EYS: variants seen among roughly 807,000 people sequenced by gnomAD.
EYS encodes EGF-like photoreceptor maintenance factor.
A neutral mutation model predicts 282.1 loss-of-function variants in EYS; 250 were observed. The ratio of observed to expected loss-of-function variants is 0.89; its 90% CI spans 0.80 to 0.98. The LOEUF (loss-of-function observed/expected upper bound fraction) is 0.98, where lower values mean the gene tolerates loss of function less well. Among genes scored for constraint, EYS ranks in the 50% least tolerant of loss-of-function variants. The probability of loss-of-function intolerance (pLI) is 0.00; values close to 1 mark genes in which losing one functional copy is unlikely to be tolerated. For synonymous variants in EYS, 1,355 were observed against 1,282.9 expected, an observed-to-expected ratio of 1.06 and a Z score of -1.20; for missense variants, 4,016 against 3,709.0, an observed-to-expected ratio of 1.08 and a Z score of -2.15.
At chr6:63,772,440 A>G (rs940281051) in intron 40 of EYS, among the ~76,000 whole-genome samples, 7 of 152,118 alleles carry the variant, frequency 4.6e-5, no homozygotes, top group Non-Finnish European at 8.8e-5. Context: ...CATTTGGTTT[A>G]TATATATCTA....
intron 26 of EYS, among the ~76,000 whole-genome samples, chr6:64,556,004 T>C (rs948329400): frequency 6.6e-6 from 1 of 151,962 alleles, no homozygotes; most frequent in Non-Finnish European, 1.5e-5. Context: ...CTGACAAGGA[T>C]GTAGAGAAGC....
chr6:64,150,703 T>C (rs927529014), intron 31 of EYS, among the ~76,000 whole-genome samples: 54 of 151,280 alleles, frequency 3.6e-4, no homozygotes, highest in Non-Finnish European at 5.4e-4. Context: ...TATAAAAAAA[T>C]CCTTAACCTT....
intron 1 of EYS, among the ~76,000 whole-genome samples, chr6:65,649,700 T>A (rs549617275): frequency 2.6e-5 from 4 of 152,288 alleles, no homozygotes; most frequent in Non-Finnish European, 5.9e-5. Context: ...CTATTTAGAT[T>A]GTTTTTTTAC....
At chr6:64,157,035 A>C (rs528593438) in intron 31 of EYS, among the ~76,000 whole-genome samples, 11 of 123,544 alleles carry the variant, frequency 8.9e-5, no homozygotes, top group South Asian at 6.4e-4. Flanking sequence ...CCAATGCTAT[A>C]CCTCCCCCCT....
At chr6:65,409,770 T>C (rs1260200104) in intron 5 of EYS, among the ~76,000 whole-genome samples, 1 of 152,114 alleles carries the variant, frequency 6.6e-6, no homozygotes, top group Admixed American at 6.6e-5. Flanking sequence ...ATCTACAAAA[T>C]ATTAAGTTAC....
Position 65,464,530 on chromosome 6 carries a change from C to A in EYS, c.862+26064G>T, listed in dbSNP as rs144716166. ...CTACCAACATCAAAGTTAATGTAAT[C>A]AATATACAAATATTTTGTCTTCTCA... On this transcript the variant is annotated intron_variant, in intron 5 of 42. Transcript: ENST00000503581. Among the ~76,000 whole-genome samples the A allele has an allele frequency of 7.0e-4, 107 of 152,198 alleles. 1 individual carries two copies. The East Asian group carries it at 0.017, about 24-fold the overall frequency.
chr6:65,100,396 T>C lies in EYS; in HGVS notation c.2024-42669A>G, dbSNP rs192205121. On this transcript the variant is annotated intron_variant, in intron 12 of 42. Coordinates refer to ENST00000503581, the MANE Select transcript of EYS (RefSeq NM_001142800.2). ...GAACAAAAAAAGAGTCATAAGGCAT[T>C]CTAAGATGAATGCACATTTTAAAAT... Among the ~76,000 whole-genome samples, 4 of 150,752 alleles carry C rather than the reference T, an allele frequency of 2.7e-5. No homozygotes were observed. In the East Asian group the frequency reaches 5.8e-4, roughly 22 times the overall value.
At chr6:65,400,795 A>G (rs1399933135) in intron 7 of EYS, among the ~76,000 whole-genome samples, 1 of 151,900 alleles carries the variant, frequency 6.6e-6, no homozygotes, top group African/African-American at 2.4e-5. Flanking sequence ...TCTCCTTTCC[A>G]CATTTGACTC....
In EYS at chr6:65,443,382, A is replaced by G. The variant is rs62646230; in HGVS notation, c.863-38015T>C. ...TGCATACATGTATGTACACATATAG[A>G]CATATATGCATACATGTATGTACAC... On this transcript the variant is annotated intron_variant, in intron 5 of 42. Transcript: ENST00000503581. Among the ~76,000 whole-genome samples, 7 of 87,758 alleles carry G rather than the reference A, an allele frequency of 8.0e-5. 1 individual carries two copies. The East Asian group carries it at 2.1e-3, about 27-fold the overall frequency. 57.6% of individuals were successfully genotyped at this position (87,758 alleles called of 152,430 possible). A position where few individuals can be genotyped will look rare whatever the true frequency, so the allele number is the denominator to read the frequency against.
At chr6:63,803,992 T>C (rs755256956) in intron 37 of EYS, among the ~76,000 whole-genome samples, 13 of 152,166 alleles carry the variant, frequency 8.5e-5, no homozygotes, top group South Asian at 2.1e-4. Flanking sequence ...TACACTACCG[T>C]GTTTATTGAG....
At chr6:64,965,591 T>C (rs1770066623) in intron 14 of EYS, among the ~76,000 whole-genome samples, 2 of 152,030 alleles carry the variant, frequency 1.3e-5, no homozygotes, top group Admixed American at 1.3e-4. Flanking sequence ...AAGGGAAATT[T>C]TCTAACTCAT....
At chr6:65,385,331 T>C (rs1005470989) in intron 7 of EYS, among the ~76,000 whole-genome samples, 2 of 151,878 alleles carry the variant, frequency 1.3e-5, no homozygotes, top group South Asian at 4.1e-4. Context: ...CACAAAATAA[T>C]TTCATAAAAG....
chr6:63,764,029 C>T (rs1348600486), intron 40 of EYS, among the ~76,000 whole-genome samples: 1 of 151,366 alleles, frequency 6.6e-6, no homozygotes, highest in Non-Finnish European at 1.5e-5. Flanking sequence ...TCCCCACCAT[C>T]CCCCTTTCTT....
At chr6:65,408,234 A>G (rs1766838102) in intron 5 of EYS, among the ~76,000 whole-genome samples, 1 of 151,986 alleles carries the variant, frequency 6.6e-6, no homozygotes, top group South Asian at 2.1e-4. Flanking sequence ...TTCATAAGTG[A>G]TATTGGTCTT....
chr6:64,544,276 T>C (rs1220231150), intron 26 of EYS, among the ~76,000 whole-genome samples: 2 of 152,190 alleles, frequency 1.3e-5, no homozygotes, highest in Non-Finnish European at 2.9e-5. Flanking sequence ...ATAGTATATG[T>C]AGTTGCACAC....
rs1263262887 is a variant in EYS, at chr6:64,081,900, T to C, written c.6527A>G (p.Tyr2176Cys). The C allele has an allele frequency of 6.5e-7, 1 of 1,543,272 alleles. No individual in the cohort carries two copies. The highest frequency in any genetic ancestry group is 8.8e-7 in the Non-Finnish European group (1 of 1,140,238). ...TAAACTGTTTGTTTTTATAGTCAAG[T>C]AGATGGTAACAGTTCTGTTATGTTC... The part of the protein sequence containing the change: ...EKEHNRTVTI[Y>C]LTIKTNSLNG... Residue 2176 changes from tyrosine (Y) to cysteine (C), a missense_variant, in exon 32 of 43, where the codon TAC becomes TGC. By Grantham distance (194) the Tyr-to-Cys change is radical. Coordinates refer to ENST00000503581, the MANE Select transcript of EYS (RefSeq NM_001142800.2).
intron 26 of EYS, among the ~76,000 whole-genome samples, chr6:64,494,532 G>A (rs1305332087): frequency 1.3e-5 from 2 of 151,450 alleles, no homozygotes; most frequent in Admixed American, 6.6e-5. Flanking sequence ...CACTTAGCAC[G>A]TAATGACATC....
intron 35 of EYS, among the ~76,000 whole-genome samples, chr6:63,937,467 G>T (rs558159863): frequency 1.2e-4 from 16 of 136,328 alleles, no homozygotes; most frequent in African/African-American, 3.8e-4. Context: ...TACAATCTCC[G>T]CCTCCCGGGT....
At chr6:63,792,705 GT>G (rs945967883) in intron 37 of EYS, among the ~76,000 whole-genome samples, 10 of 147,302 alleles carry the variant, frequency 6.8e-5, no homozygotes, top group African/African-American at 9.9e-5. Context: ...ATCCCCAACT[GT>G]TTTTTTTTTC....
Sources: allele counts gnomAD v4.1 joint callset (sites outside exome capture counted in the v4.1 genomes callset), GRCh38; gene constraint gnomAD v4.1.1; transcripts MANE v1.5; gene names NCBI Gene and HGNC (gene_info 2026-07-23, HGNC 2026-07-21).